Variants in TIAM2 observed in about 807,000 individuals in gnomAD.
TIAM2 encodes rho guanine nucleotide exchange factor TIAM2.
Under a neutral mutation model 152.9 loss-of-function variants are expected in TIAM2, and 80 were observed. The observed-to-expected ratio is 0.52, with a 90% CI of 0.44 to 0.63. TIAM2 has a LOEUF of 0.63. TIAM2 is among the 30% of genes least tolerant of loss of function. The probability of loss-of-function intolerance (pLI) is 0.00; values close to 1 mark genes in which losing one functional copy is unlikely to be tolerated. For synonymous variants in TIAM2, 804 were observed against 838.0 expected (o/e 0.96, Z 0.70); for missense variants, 1,965 against 2,120.1 (o/e 0.93, Z 1.44).
chr6:155,051,307 TGGGA>T (rs1777311253), intron 1 of TIAM2, among the ~76,000 whole-genome samples: 2 of 152,166 alleles, frequency 1.3e-5, no homozygotes, highest in East Asian at 3.9e-4. Context: ...GCTTGTGCCC[TGGGA>T]GCAGAGCCCG....
chr6:155,000,529 C>CAAAA (rs58867200), intron 1 of TIAM2, among the ~76,000 whole-genome samples: 7 of 97,700 alleles, frequency 7.2e-5, no homozygotes, highest in Admixed American at 1.2e-4. Flanking sequence ...GAAACTGTTG[C>CAAAA]AAAAAAAAAA....
chr6:155,045,214 A>C (rs1308577795), intron 1 of TIAM2, among the ~76,000 whole-genome samples: 1 of 151,520 alleles, frequency 6.6e-6, no homozygotes, highest in Non-Finnish European at 1.5e-5. Flanking sequence ...TTGCAGGCGC[A>C]CACCACCACA....
chr6:155,157,444 TTTTC>T (rs1415998029), intron 7 of TIAM2, among the ~76,000 whole-genome samples: 3 of 151,894 alleles, frequency 2.0e-5, no homozygotes, highest in Non-Finnish European at 2.9e-5. Flanking sequence ...TTTCTTTTCT[TTTTC>T]TTTCTTTTTT....
chr6:155,116,020 T>C (rs988278872), intron 2 of TIAM2, among the ~76,000 whole-genome samples: 1 of 152,152 alleles, frequency 6.6e-6, no homozygotes, highest in Admixed American at 6.5e-5. Flanking sequence ...TGAGACTTGC[T>C]TGAACCTGGC....
chr6:155,056,536 T>C (rs74498069), intron 1 of TIAM2, among the ~76,000 whole-genome samples: 9,560 of 152,212 alleles, frequency 0.063, 530 homozygotes, highest in East Asian at 0.26. Flanking sequence ...GCTTGTTTTC[T>C]GTATCCGAGT....
In TIAM2 at chr6:155,027,415, CTG is replaced by C. The variant is rs1414113461; in HGVS notation, c.-209+31927_-209+31928del. Reference sequence around the variant, plus strand: ...ATATATACTATATATAATATATATACTGTGTTACATATATACTATATATAATA... The same window carrying C: ...ATATATACTATATATAATATATATACTGTTACATATATACTATATATAATA... On this transcript the variant is annotated intron_variant, in intron 1 of 26. Coordinates refer to ENST00000682666, the MANE Select transcript of TIAM2 (RefSeq NM_012454.4). Among the ~76,000 whole-genome samples the C allele has an allele frequency of 2.7e-3, 299 of 112,332 alleles. 3 individuals are homozygous for C. Among genetic ancestry groups the C allele is most frequent in the African/African-American group, 0.01 (279 of 26,970 alleles). 73.7% of individuals were successfully genotyped at this position (112,332 alleles called of 152,430 possible). A position where few individuals can be genotyped will look rare whatever the true frequency, so the allele number is the denominator to read the frequency against.
rs573743428 is a variant in TIAM2 at position 155,028,690 on chromosome 6, AATAT to A, written c.-209+33204_-209+33207del. Among the ~76,000 whole-genome samples, 78 of 127,124 alleles carry A rather than the reference AATAT, an allele frequency of 6.1e-4. 1 individual carries two copies. Among genetic ancestry groups the A allele is most frequent in the African/African-American group, 2.2e-3 (68 of 31,226 alleles). 83.4% of individuals were successfully genotyped at this position (127,124 alleles called of 152,430 possible). Reference sequence around the variant, plus strand: ...ACTGTGTTATATATATACTACATATAATATATATACTGTGTTATATATATACTAC... The same window carrying A: ...ACTGTGTTATATATATACTACATATAATATACTGTGTTATATATATACTAC... On this transcript the variant is annotated intron_variant, in intron 1 of 26. Transcript: ENST00000682666.
At chr6:155,054,350 T>C (rs1245520187) in intron 1 of TIAM2, among the ~76,000 whole-genome samples, 1 of 152,120 alleles carries the variant, frequency 6.6e-6, no homozygotes, top group Non-Finnish European at 1.5e-5. Flanking sequence ...GATGATGGCG[T>C]CCAATGAAGC....
rs1562295152 is a variant in TIAM2, at chr6:155,029,470, A to AGTATATATTATATATAAT, written c.-209+33978_-209+33979insGTATATATTATATATAAT. On this transcript the variant is annotated intron_variant, in intron 1 of 26. Transcript: ENST00000682666. Reference sequence around the variant, plus strand: ...ATAGTATATATTATATATAATATATACTATAGTATATATACTATAGTATAT... The same window carrying AGTATATATTATATATAAT: ...ATAGTATATATTATATATAATATATAGTATATATTATATATAATCTATAGTATATATACTATAGTATAT... Among the ~76,000 whole-genome samples, 87 of 48,226 alleles carry AGTATATATTATATATAAT rather than the reference A, an allele frequency of 1.8e-3. 9 individuals are homozygous for AGTATATATTATATATAAT. Among genetic ancestry groups the AGTATATATTATATATAAT allele is most frequent in the Non-Finnish European group, 2.5e-3 (72 of 28,876 alleles). The allele number at this position is 48,226 out of a possible 152,430, so 31.6% of individuals were successfully genotyped here. A position where few individuals can be genotyped will look rare whatever the true frequency, so the allele number is the denominator to read the frequency against.
At chr6:155,112,973 C>CTT (rs1381141420) in intron 2 of TIAM2, among the ~76,000 whole-genome samples, 1 of 151,742 alleles carries the variant, frequency 6.6e-6, no homozygotes, top group African/African-American at 2.4e-5. Flanking sequence ...CCCCCTGCTG[C>CTT]TTCCACTGTG....
chr6:155,076,610 A>G (rs755621751), intron 1 of TIAM2, among the ~76,000 whole-genome samples: 3 of 152,192 alleles, frequency 2.0e-5, no homozygotes, highest in Non-Finnish European at 2.9e-5. Flanking sequence ...AACTAGGAGA[A>G]CAGCAAAATC....
intron 14 of TIAM2, among the ~76,000 whole-genome samples, chr6:155,187,573 C>CCCTTTTTTTTTTTTTTTTTTTTTTT (rs1189509294): frequency 8.1e-5 from 4 of 49,614 alleles, no homozygotes; most frequent in Non-Finnish European, 1.1e-4. Flanking sequence ...ACCCCGCCCC[C>CCCTTTTTTTTTTTTTTTTTTTTTTT]TTTTTTTTTT....
At chr6:155,059,024 GAGA>G (rs1189706544) in intron 1 of TIAM2, among the ~76,000 whole-genome samples, 4 of 152,154 alleles carry the variant, frequency 2.6e-5, no homozygotes, top group Admixed American at 6.6e-5. Flanking sequence ...CATGGAAAGG[GAGA>G]AGATGTTTCA....
intron 2 of TIAM2, among the ~76,000 whole-genome samples, chr6:155,119,686 C>T (rs1396488634): frequency 6.6e-6 from 1 of 152,218 alleles, no homozygotes; most frequent in East Asian, 1.9e-4. Flanking sequence ...CTTGGCTCTC[C>T]TTGGATTTTC....
chr6:155,018,916 T>G (rs1776403120), intron 1 of TIAM2, among the ~76,000 whole-genome samples: 1 of 148,136 alleles, frequency 6.8e-6, no homozygotes, highest in Non-Finnish European at 1.5e-5. Context: ...GGCAGGCACC[T>G]GTAATCCCAG....
chr6:155,110,644 T>A (rs901685839), intron 2 of TIAM2, among the ~76,000 whole-genome samples: 1 of 152,226 alleles, frequency 6.6e-6, no homozygotes, highest in Non-Finnish European at 1.5e-5. Flanking sequence ...CACATTCCAA[T>A]AGAAGACTGT....
In TIAM2 at chr6:155,165,424, A is replaced by G; in HGVS notation, c.2361+15A>G. On this transcript the variant is annotated intron_variant, in intron 9 of 26. Transcript: ENST00000682666. Reference sequence around the variant, plus strand: ...CTATAACTCAGGTGAGCTTTTCAGCATGGGAACAGCAGACTAGAGTGAAAT... The same window carrying G: ...CTATAACTCAGGTGAGCTTTTCAGCGTGGGAACAGCAGACTAGAGTGAAAT... 6.2e-7 allele frequency: 1 copy of G among 1,607,594 alleles called. No homozygotes were observed. The highest frequency in any genetic ancestry group is 8.5e-7 in the Non-Finnish European group (1 of 1,177,780).
chr6:155,224,824 T>C (rs1452516411), intron 15 of TIAM2, among the ~76,000 whole-genome samples: 1 of 152,234 alleles, frequency 6.6e-6, no homozygotes, highest in African/African-American at 2.4e-5. Context: ...TAGAAGGTTC[T>C]GGCCTGGCAT....
At position 155,028,334 on chromosome 6, in the gene TIAM2, A is replaced by AATAT. The variant is rs201351240; in HGVS notation, c.-209+32846_-209+32849dup. Among the ~76,000 whole-genome samples, 43 of 69,476 alleles carry AATAT rather than the reference A, an allele frequency of 6.2e-4. 2 individuals are homozygous for AATAT. In the South Asian group the frequency reaches 0.012, roughly 20 times the overall value. 45.6% of individuals were successfully genotyped at this position (69,476 alleles called of 152,430 possible). On this transcript the variant is annotated intron_variant, in intron 1 of 26. Coordinates refer to ENST00000682666, the MANE Select transcript of TIAM2 (RefSeq NM_012454.4). Reference sequence around the variant, plus strand: ...ACTGTGTTACATATATACTACATATAATATATACTGTGTTACATATATACT... The same window carrying AATAT: ...ACTGTGTTACATATATACTACATATAATATATATATACTGTGTTACATATATACT...
Sources: allele counts gnomAD v4.1 joint callset (sites outside exome capture counted in the v4.1 genomes callset), GRCh38; gene constraint gnomAD v4.1.1; transcripts MANE v1.5; gene names NCBI Gene and HGNC (gene_info 2026-07-23, HGNC 2026-07-21).